Variants in PEAK1 observed in about 807,000 individuals in gnomAD.
The protein encoded by PEAK1 is pseudopodium enriched atypical kinase 1.
Under a neutral mutation model 124.7 loss-of-function variants are expected in PEAK1, and 54 were observed. That is an observed-to-expected ratio of 0.43 (90% CI 0.35 to 0.54). The LOEUF (loss-of-function observed/expected upper bound fraction) is 0.54. Ranked by LOEUF, PEAK1 falls within the 20% of genes least tolerant of loss-of-function variation. PEAK1 has a pLI of 0.01. For synonymous variants in PEAK1, 719 were observed against 760.0 expected (o/e 0.95, Z 0.89); for missense variants, 2,046 against 2,134.5 (o/e 0.96, Z 0.82).
rs1050884300 is a variant in PEAK1, at chr15:77,139,600, T to C, written c.3332-5850A>G. ...GACCAGTGTTGTTTGTGCAGTCCAT[T>C]GTTGACCAAAACATCATTATATAGC... On this transcript the variant is annotated intron_variant, in intron 8 of 9. Transcript: ENST00000682557. 2.2e-4 allele frequency among the ~76,000 whole-genome samples: 34 copies of C among 152,204 alleles called. 1 individual carries two copies. Among genetic ancestry groups the C allele is most frequent in the African/African-American group, 7.5e-4 (31 of 41,444 alleles).
chr15:77,273,657 A>C (rs896971461), intron 5 of PEAK1, among the ~76,000 whole-genome samples: 2 of 152,180 alleles, frequency 1.3e-5, no homozygotes, highest in Non-Finnish European at 2.9e-5. Flanking sequence ...AACACATCCC[A>C]TTTTCATGGA....
At chr15:77,383,621 A>T (rs1402499621) in intron 1 of PEAK1, among the ~76,000 whole-genome samples, 2 of 152,198 alleles carry the variant, frequency 1.3e-5, no homozygotes, top group African/African-American at 2.4e-5. Context: ...GGCTATACTC[A>T]GTTATAGCCT....
Position 77,193,788 on chromosome 15 carries a change from A to T in PEAK1, c.-114-11748T>A, listed in dbSNP as rs1236300729. Among the ~76,000 whole-genome samples the T allele has an allele frequency of 2.0e-5, 3 of 150,516 alleles. No homozygotes were observed. In the East Asian group the frequency reaches 5.9e-4, roughly 30 times the overall value. ...CACTGCACTCCAGCCTGGGTGACAGAGTGAGACTCTATCTTAACTAAACTA... is the reference window on the plus strand; with the variant it reads ...CACTGCACTCCAGCCTGGGTGACAGTGTGAGACTCTATCTTAACTAAACTA... On this transcript the variant is annotated intron_variant, in intron 6 of 9. Transcript: ENST00000682557.
chr15:77,307,135 A>G (rs2064150230), intron 2 of PEAK1, among the ~76,000 whole-genome samples: 2 of 152,140 alleles, frequency 1.3e-5, no homozygotes, highest in Non-Finnish European at 2.9e-5. Context: ...AGTAACCTTC[A>G]TGCATTTTTC....
intron 5 of PEAK1, among the ~76,000 whole-genome samples, chr15:77,269,726 C>T (rs1416928628): frequency 6.6e-6 from 1 of 152,104 alleles, no homozygotes; most frequent in Non-Finnish European, 1.5e-5. Flanking sequence ...CAAGACAGAC[C>T]ATATGACAGG....
intron 2 of PEAK1, among the ~76,000 whole-genome samples, chr15:77,289,205 T>G (rs1269198518): frequency 1.3e-5 from 2 of 152,230 alleles, no homozygotes; most frequent in Non-Finnish European, 2.9e-5. Context: ...TATTTTCATC[T>G]TTTAGTCACT....
intron 6 of PEAK1, among the ~76,000 whole-genome samples, chr15:77,240,913 T>C (rs1361277559): frequency 6.6e-6 from 1 of 152,184 alleles, no homozygotes; most frequent in Non-Finnish European, 1.5e-5. Flanking sequence ...AACAGTCTAT[T>C]CCAGAAGAGG....
intron 6 of PEAK1, among the ~76,000 whole-genome samples, chr15:77,246,201 G>T (rs1567161579): frequency 1.3e-5 from 2 of 152,070 alleles, no homozygotes; most frequent in East Asian, 3.9e-4. Context: ...TAGAGACAAG[G>T]TTTCATTATG....
At chr15:77,407,448 G>A (rs2071923814) in intron 1 of PEAK1, among the ~76,000 whole-genome samples, 2 of 151,934 alleles carry the variant, frequency 1.3e-5, no homozygotes, top group Admixed American at 6.6e-5. Flanking sequence ...CATCAAAAGT[G>A]GGCTAAGGAC....
chr15:77,150,008 C>T (rs1401711428), intron 8 of PEAK1, among the ~76,000 whole-genome samples: 1 of 152,066 alleles, frequency 6.6e-6, no homozygotes, highest in Non-Finnish European at 1.5e-5. Context: ...CCTTGGCTTC[C>T]CAAAGTGCTG....
chr15:77,298,712 T>C (rs897460725), intron 2 of PEAK1, among the ~76,000 whole-genome samples: 2 of 152,182 alleles, frequency 1.3e-5, no homozygotes, highest in Non-Finnish European at 2.9e-5. Flanking sequence ...GAAAATAGTA[T>C]ACTTGGATTT....
chr15:77,347,320 C>G, intron 2 of PEAK1: 5 of 985,212 alleles, frequency 5.1e-6, no homozygotes, highest in Non-Finnish European at 6.0e-6. Context: ...ACCAGGAAAC[C>G]TTCAACAAAA....
intron 6 of PEAK1, among the ~76,000 whole-genome samples, chr15:77,219,141 G>T (rs559264165): frequency 1.3e-5 from 2 of 152,020 alleles, no homozygotes; most frequent in Non-Finnish European, 2.9e-5. Context: ...TGTATATAAT[G>T]AATTGCAATA....
chr15:77,269,054 C>T (rs185462374), intron 5 of PEAK1, among the ~76,000 whole-genome samples: 156 of 151,170 alleles, frequency 1.0e-3, no homozygotes, highest in Admixed American at 2.3e-3. Flanking sequence ...ACACCCAAAT[C>T]GAATATCCTT....
chr15:77,296,570 C>T (rs895430443), intron 2 of PEAK1, among the ~76,000 whole-genome samples: 2 of 151,128 alleles, frequency 1.3e-5, no homozygotes, highest in Non-Finnish European at 2.9e-5. Context: ...GCCAAGATCA[C>T]GCCACTGCAT....
intron 8 of PEAK1, among the ~76,000 whole-genome samples, chr15:77,149,876 G>T (rs1020813455): frequency 3.9e-5 from 6 of 152,058 alleles, no homozygotes; most frequent in Admixed American, 2.0e-4. Context: ...AGCCTCCCAA[G>T]TAGCTGGGAC....
intron 6 of PEAK1, among the ~76,000 whole-genome samples, chr15:77,214,855 G>C (rs1005685641): frequency 2.0e-5 from 3 of 152,010 alleles, no homozygotes; most frequent in African/African-American, 7.2e-5. Flanking sequence ...GAACGGCAAT[G>C]GGGGAGTCCT....
chr15:77,181,494 T>TATCTGAC lies in PEAK1; in HGVS notation c.426_432dup (p.Asn145ValfsTer3). 6.2e-7 allele frequency: 1 copy of TATCTGAC among 1,614,182 alleles called. No homozygotes were observed. Among genetic ancestry groups the TATCTGAC allele is most frequent in the Non-Finnish European group, 8.5e-7 (1 of 1,180,022 alleles). Reference sequence around the variant, plus strand: ...AACACTTCAGTTAGTCCATTATTGTTATCTGACATCTTCTTTGCACTATCA... The same window carrying TATCTGAC: ...AACACTTCAGTTAGTCCATTATTGTTATCTGACATCTGACATCTTCTTTGCACTATCA... On this transcript the variant is annotated frameshift_variant, in exon 7 of 10. Coordinates refer to ENST00000682557, the MANE Select transcript of PEAK1 (RefSeq NM_001385026.1). LOFTEE classifies it high-confidence loss of function.
intron 2 of PEAK1, among the ~76,000 whole-genome samples, chr15:77,310,850 G>A (rs1162704662): frequency 3.9e-5 from 6 of 152,176 alleles, no homozygotes; most frequent in Non-Finnish European, 2.9e-5. Context: ...ACATGCAAAG[G>A]TTCTGAGATG....
Sources: gnomAD v4.1 joint callset for allele counts (sites outside exome capture counted in the v4.1 genomes callset) on GRCh38, gnomAD v4.1.1 for gene constraint, MANE v1.5 for transcripts, NCBI Gene and HGNC (gene_info 2026-07-23, HGNC 2026-07-21) for gene names.